The following THSD7A variants were observed in gnomAD, a reference collection of about 807,000 sequenced individuals.
THSD7A encodes thrombospondin type 1 domain containing 7A.
In THSD7A, 96 loss-of-function variants were observed where a neutral mutation model predicts 231.3. The observed-to-expected ratio is 0.41, with a 90% confidence interval of 0.35 to 0.49. THSD7A has a LOEUF of 0.49. Among genes scored for constraint, THSD7A ranks in the 20% least tolerant of loss-of-function variants. THSD7A has a pLI of 0.05. For missense variants in THSD7A, 2,290 were observed against 2,070.2 expected, an observed-to-expected ratio of 1.11 and a Z score of -2.06; for synonymous variants, 940 against 743.3, an observed-to-expected ratio of 1.26 and a Z score of -4.30.
Position 11,374,998 on chromosome 7 carries a change from T to C in THSD7A, c.*796A>G, listed in dbSNP as rs1301517211. On this transcript the variant is annotated 3_prime_UTR_variant, in exon 28 of 28. Coordinates refer to ENST00000423059, the MANE Select transcript of THSD7A (RefSeq NM_015204.3). ...GTGCTGCACTAATATAGTGCAAAAATGTGCCTTCCATATAGCAAAAAAGAT... is the reference window on the plus strand; with the variant it reads ...GTGCTGCACTAATATAGTGCAAAAACGTGCCTTCCATATAGCAAAAAAGAT... 6.6e-6 allele frequency: 1 copy of C among 152,048 alleles called. No individual in the cohort carries two copies. The highest frequency in any genetic ancestry group is 1.5e-5 in the Non-Finnish European group (1 of 67,988). 9.4% of individuals were successfully genotyped at this position (152,048 alleles called of 1,614,324 possible).
At chr7:11,494,929 C>T (rs1263370644) in intron 6 of THSD7A, among the ~76,000 whole-genome samples, 2 of 151,876 alleles carry the variant, frequency 1.3e-5, no homozygotes, top group Admixed American at 6.6e-5. Context: ...TTCTATGTAG[C>T]ATATTAAAAT....
chr7:11,432,413 C>T (rs961781858), intron 13 of THSD7A, among the ~76,000 whole-genome samples: 1 of 152,066 alleles, frequency 6.6e-6, no homozygotes, highest in Non-Finnish European at 1.5e-5. Context: ...ACGTAAATTT[C>T]ACTGAACACA....
At chr7:11,823,031 C>G (rs553491315) in intron 1 of THSD7A, among the ~76,000 whole-genome samples, 1 of 152,140 alleles carries the variant, frequency 6.6e-6, no homozygotes, top group African/African-American at 2.4e-5. Flanking sequence ...ATTGCTCAGA[C>G]CAATGTCCAG....
intron 6 of THSD7A, among the ~76,000 whole-genome samples, chr7:11,509,622 G>A (rs570022100): frequency 4.0e-5 from 6 of 151,478 alleles, no homozygotes; most frequent in African/African-American, 1.5e-4. Context: ...CACGAGGTCA[G>A]GAGATCGAGA....
intron 1 of THSD7A, among the ~76,000 whole-genome samples, chr7:11,756,928 G>A (rs560482421): frequency 6.6e-6 from 1 of 152,086 alleles, no homozygotes; most frequent in South Asian, 2.1e-4. Context: ...ATGTTCTTTA[G>A]TTATTGCATG....
intron 24 of THSD7A, 113 bp downstream of exon 24, chr7:11,382,408 A>G: frequency 1.2e-6 from 1 of 861,314 alleles, no homozygotes; most frequent in East Asian, 2.6e-5. Context: ...CTGAATCCCA[A>G]ACAGGCTTTG....
In THSD7A at chr7:11,424,849, C is replaced by G. The variant is rs375563429; in HGVS notation, c.3250-20G>C. The G allele has an allele frequency of 4.1e-5, 66 of 1,612,208 alleles. 2 individuals are homozygous for G. The South Asian group carries it at 4.8e-4, about 12-fold the overall frequency. ...ATACACCTGAAACACACATGGTTCT[C>G]AGCAATCTCAGGGAATCTGGTAAGA... On this transcript the variant is annotated intron_variant, in intron 15 of 27. Transcript: ENST00000423059.
At chr7:11,471,265 G>A (rs983578891) in intron 8 of THSD7A, among the ~76,000 whole-genome samples, 3 of 151,914 alleles carry the variant, frequency 2.0e-5, no homozygotes, top group Non-Finnish European at 4.4e-5. Flanking sequence ...AACTAGTATA[G>A]TTCTTGCTAA....
chr7:11,479,903 T>C (rs1583821112), intron 7 of THSD7A, among the ~76,000 whole-genome samples: 2 of 152,186 alleles, frequency 1.3e-5, no homozygotes, highest in East Asian at 3.8e-4. Context: ...TATTTCAAAA[T>C]AGCTGGAAGA....
At position 11,620,059 on chromosome 7, in the gene THSD7A, G is replaced by A. The variant is rs189598561; in HGVS notation, c.1022+16071C>T. On this transcript the variant is annotated intron_variant, in intron 2 of 27. Transcript: ENST00000423059. ...ATGATAAACCATGGGGTTGACAAAC[G>A]TGATCAATAATGTGATGAACTGTCT... Among the ~76,000 whole-genome samples the A allele has an allele frequency of 3.6e-3, 555 of 152,232 alleles. 1 individual carries two copies. The highest frequency in any genetic ancestry group is 0.013 in the African/African-American group (520 of 41,546).
intron 1 of THSD7A, among the ~76,000 whole-genome samples, chr7:11,747,624 C>A (rs1346341951): frequency 6.6e-6 from 1 of 151,774 alleles, no homozygotes; most frequent in Admixed American, 6.6e-5. Context: ...ACAGTCTCTA[C>A]CTGTAAAAAA....
At chr7:11,547,021 A>G (rs1026046721) in intron 4 of THSD7A, among the ~76,000 whole-genome samples, 1 of 152,220 alleles carries the variant, frequency 6.6e-6, no homozygotes, top group Non-Finnish European at 1.5e-5. Context: ...AACAAATTAA[A>G]AAAGTGAAAT....
At chr7:11,589,958 G>C (rs1780085305) in intron 4 of THSD7A, among the ~76,000 whole-genome samples, 1 of 151,966 alleles carries the variant, frequency 6.6e-6, no homozygotes, top group African/African-American at 2.4e-5. Context: ...AAATGCCTTT[G>C]GGTTAAAGTT....
chr7:11,500,382 G>T (rs1317965480), intron 6 of THSD7A, among the ~76,000 whole-genome samples: 1 of 151,928 alleles, frequency 6.6e-6, no homozygotes, highest in African/African-American at 2.4e-5. Context: ...CACAGACCAG[G>T]GTTACTATAA....
chr7:11,790,082 C>G (rs1783903794), intron 1 of THSD7A, among the ~76,000 whole-genome samples: 1 of 151,826 alleles, frequency 6.6e-6, no homozygotes, highest in Non-Finnish European at 1.5e-5. Context: ...GATAAAAAGA[C>G]ATACTTTTTG....
rs1783801128 is a variant in THSD7A, at chr7:11,411,933, C to A, written c.3683-611G>T. Among the ~76,000 whole-genome samples the A allele has an allele frequency of 6.6e-6, 1 of 151,148 alleles. No homozygotes were observed. On this transcript the variant is annotated intron_variant, in intron 18 of 27. Transcript: ENST00000423059. The surrounding 1 kb of genome is among the most constrained non-coding windows in gnomAD (Gnocchi z 4.1). The stretch of plus-strand genomic sequence containing the variant: ...TTTTTTTTTGTATCATCAAAGGAAA[C>A]TGAAGAGAAAAACCAAAAGAAACAA...
rs767215983 is a variant in THSD7A at position 11,636,696 on chromosome 7, A to G, written c.456T>C (p.Gly152=). The G allele has an allele frequency of 3.7e-6, 6 of 1,613,746 alleles. No individual in the cohort carries two copies. Among genetic ancestry groups the G allele is most frequent in the Non-Finnish European group, 1.7e-6 (2 of 1,179,872 alleles). ...KPLECIKGEE[G]IQVREIACIQ... Reference sequence around the variant, plus strand: ...TGCACGCTATCTCCCTCACCTGAATACCTTCTTCCCCCTTAATGCACTCAA... The same window carrying G: ...TGCACGCTATCTCCCTCACCTGAATGCCTTCTTCCCCCTTAATGCACTCAA... Residue 152 remains glycine (G), a synonymous_variant, in exon 2 of 28, where the codon GGT becomes GGC. Coordinates refer to ENST00000423059, the MANE Select transcript of THSD7A (RefSeq NM_015204.3). The surrounding 1 kb of genome is among the most constrained non-coding windows in gnomAD (Gnocchi z 10.0).
At chr7:11,653,689 G>T (rs1782600031) in intron 1 of THSD7A, among the ~76,000 whole-genome samples, 1 of 151,812 alleles carries the variant, frequency 6.6e-6, no homozygotes, top group Non-Finnish European at 1.5e-5. Context: ...AGGCCAGCCA[G>T]CAATCAGTTT....
At chr7:11,535,843 C>G (rs978613808) in intron 6 of THSD7A, among the ~76,000 whole-genome samples, 13 of 152,090 alleles carry the variant, frequency 8.5e-5, no homozygotes, top group Non-Finnish European at 1.2e-4. Context: ...AAGGTTCTCA[C>G]CAAGGTTTCA....
Sources: allele counts gnomAD v4.1 joint callset (sites outside exome capture counted in the v4.1 genomes callset), GRCh38; gene constraint gnomAD v4.1.1; non-coding constraint Gnocchi (gnomAD v3.1); transcripts MANE v1.5; gene names NCBI Gene and HGNC (gene_info 2026-07-23, HGNC 2026-07-21).